DGKG: variants seen among roughly 807,000 people sequenced by gnomAD.
The protein encoded by DGKG is DAG kinase gamma.
Under a neutral mutation model 105.3 loss-of-function variants are expected in DGKG, and 78 were observed. That is an observed-to-expected ratio of 0.74 (90% confidence interval 0.62 to 0.89). The LOEUF (loss-of-function observed/expected upper bound fraction) is 0.89, where lower values mean the gene tolerates loss of function less well. Among genes scored for constraint, DGKG ranks in the 40% least tolerant of loss-of-function variants. DGKG has a pLI of 0.00. For synonymous variants in DGKG, 346 were observed against 367.1 expected (o/e 0.94, Z 0.66); for missense variants, 958 against 1,020.1 (o/e 0.94, Z 0.83).
In DGKG at chr3:186,242,487, C is replaced by G. The variant is rs993206654; in HGVS notation, c.1826+17G>C. On this transcript the variant is annotated intron_variant, in intron 20 of 24. Transcript: ENST00000265022. ...CCACACTGGGTGGGTGGCAGCGCAG[C>G]CGGGCCTGCAGCTTACCTGCTGTTG... 6.2e-7 allele frequency: 1 copy of G among 1,607,114 alleles called. No individual in the cohort carries two copies. The highest frequency in any genetic ancestry group is 8.5e-7 in the Non-Finnish European group (1 of 1,175,910).
At chr3:186,152,253 C>T (rs1243866916) in intron 24 of DGKG, among the ~76,000 whole-genome samples, 1 of 151,996 alleles carries the variant, frequency 6.6e-6, no homozygotes, top group Non-Finnish European at 1.5e-5. Flanking sequence ...TGATAGTCAC[C>T]AGAGGAGAAA....
intron 9 of DGKG, 76 bp from the exon 10 acceptor site, chr3:186,275,740 G>T: frequency 1.1e-6 from 1 of 940,162 alleles, no homozygotes; most frequent in South Asian, 1.6e-5. Flanking sequence ...CCTCTTGCAT[G>T]TTCTTCCTTT....
chr3:186,244,265 G>A (rs1578716909), intron 19 of DGKG, among the ~76,000 whole-genome samples: 1 of 152,152 alleles, frequency 6.6e-6, no homozygotes, highest in East Asian at 1.9e-4. Flanking sequence ...GTGTGGTGAG[G>A]TGCACCTGGC....
chr3:186,149,802 G>A lies in DGKG; in HGVS notation c.*288C>T. The A allele has an allele frequency of 8.8e-7, 1 of 1,140,144 alleles. No homozygotes were observed. The highest frequency in any genetic ancestry group is 3.1e-5 in the South Asian group (1 of 31,826). 70.6% of individuals were successfully genotyped at this position (1,140,144 alleles called of 1,614,324 possible). On this transcript the variant is annotated 3_prime_UTR_variant, in exon 25 of 25. Coordinates refer to ENST00000265022, the MANE Select transcript of DGKG (RefSeq NM_001346.3). ...TCTCAGAAAATTCTGCTCAAGGCCT[G>A]TGGGAATGTGGAGGTTGCTGCCTAA...
At chr3:186,323,045 C>T (rs1021671385) in intron 1 of DGKG, among the ~76,000 whole-genome samples, 2 of 152,198 alleles carry the variant, frequency 1.3e-5, no homozygotes, top group Non-Finnish European at 2.9e-5. Flanking sequence ...ACAACAGCCT[C>T]CTGCTGCTCT....
At chr3:186,348,939 G>A (rs1286574645) in intron 1 of DGKG, among the ~76,000 whole-genome samples, 1 of 151,000 alleles carries the variant, frequency 6.6e-6, no homozygotes, top group Non-Finnish European at 1.5e-5. Context: ...AATTTTTCCT[G>A]GTACACATTA....
chr3:186,273,041 T>G (rs1201068286), intron 10 of DGKG, among the ~76,000 whole-genome samples: 1 of 152,166 alleles, frequency 6.6e-6, no homozygotes, highest in Non-Finnish European at 1.5e-5. Flanking sequence ...TTTTGAAGGC[T>G]AGGCAGGCCC....
chr3:186,185,106 A>T (rs753409273), intron 22 of DGKG, among the ~76,000 whole-genome samples: 3 of 152,234 alleles, frequency 2.0e-5, no homozygotes, highest in Non-Finnish European at 4.4e-5. Context: ...CACTAGCGAC[A>T]GGCAGAGTCT....
intron 1 of DGKG, among the ~76,000 whole-genome samples, chr3:186,346,754 G>A (rs1347097299): frequency 6.6e-6 from 1 of 151,836 alleles, no homozygotes; most frequent in Non-Finnish European, 1.5e-5. Context: ...TTTTTACGAT[G>A]GGATCAAAAT....
chr3:186,233,508 C>T (rs1720257959), intron 20 of DGKG, among the ~76,000 whole-genome samples: 1 of 152,210 alleles, frequency 6.6e-6, no homozygotes, highest in African/African-American at 2.4e-5. Context: ...GAGACGGAGT[C>T]TCGCTCTGTC....
At chr3:186,175,408 T>C (rs1717025707) in intron 22 of DGKG, among the ~76,000 whole-genome samples, 1 of 152,220 alleles carries the variant, frequency 6.6e-6, no homozygotes, top group Non-Finnish European at 1.5e-5. Flanking sequence ...CCATTCTGTG[T>C]GGCTTTATCT....
intron 22 of DGKG, among the ~76,000 whole-genome samples, chr3:186,174,085 A>C (rs1285072351): frequency 6.6e-6 from 1 of 152,238 alleles, no homozygotes; most frequent in Non-Finnish European, 1.5e-5. Context: ...AGCTTCGGAC[A>C]GAGTTGGGTC....
intron 1 of DGKG, among the ~76,000 whole-genome samples, chr3:186,338,576 A>G (rs1379849163): frequency 6.6e-6 from 1 of 152,248 alleles, no homozygotes; most frequent in Admixed American, 6.5e-5. Context: ...GAAAGGATGT[A>G]CATGAAATGT....
chr3:186,263,525 C>G (rs1348325197), intron 14 of DGKG, among the ~76,000 whole-genome samples: 1 of 152,146 alleles, frequency 6.6e-6, no homozygotes, highest in Non-Finnish European at 1.5e-5. Context: ...TGAGATCGCA[C>G]CATTGCACTC....
intron 20 of DGKG, among the ~76,000 whole-genome samples, chr3:186,221,413 A>G (rs1719572753): frequency 6.6e-6 from 1 of 152,176 alleles, no homozygotes; most frequent in South Asian, 2.1e-4. Flanking sequence ...CCCTTTGAAG[A>G]GTTATTCGTG....
In DGKG at chr3:186,314,179, A is replaced by G. The variant is rs577889470; in HGVS notation, c.67+6214T>C. On this transcript the variant is annotated intron_variant, in intron 2 of 24. Transcript: ENST00000265022. ...AATTGACATATACATATCTGCACAC[A>G]CACACACACACACACACACACACAC... 6.3e-3 allele frequency among the ~76,000 whole-genome samples: 134 copies of G among 21,152 alleles called. 1 individual carries two copies. Among genetic ancestry groups the G allele is most frequent in the African/African-American group, 0.026 (124 of 4,832 alleles). 13.9% of individuals were successfully genotyped at this position (21,152 alleles called of 152,430 possible). A position where few individuals can be genotyped will look rare whatever the true frequency, so the allele number is the denominator to read the frequency against.
chr3:186,196,227 T>G (rs1718176071), intron 21 of DGKG, among the ~76,000 whole-genome samples: 1 of 148,550 alleles, frequency 6.7e-6, no homozygotes, highest in African/African-American at 2.5e-5. Flanking sequence ...AACCTCCACC[T>G]CCCAGGTTCA....
chr3:186,325,025 G>T (rs1560155514), intron 1 of DGKG, among the ~76,000 whole-genome samples: 2 of 152,180 alleles, frequency 1.3e-5, no homozygotes, highest in Non-Finnish European at 2.9e-5. Context: ...ATACTACACA[G>T]CCGTAAAAAA....
At chr3:186,292,660 G>T (rs746635242) in intron 5 of DGKG, among the ~76,000 whole-genome samples, 15 of 141,404 alleles carry the variant, frequency 1.1e-4, no homozygotes, top group Middle Eastern at 3.7e-3. Context: ...TGGGCGTGGT[G>T]GCGGGTGCCT....
Sources: gnomAD v4.1 joint callset for allele counts (sites outside exome capture counted in the v4.1 genomes callset) on GRCh38, gnomAD v4.1.1 for gene constraint, MANE v1.5 for transcripts, NCBI Gene and HGNC (gene_info 2026-07-23, HGNC 2026-07-21) for gene names.